Variants in PLA2G4D observed in about 807,000 individuals in gnomAD.
PLA2G4D encodes the protein phospholipase A2 group IVD, also known as cytosolic phospholipase A2 delta.
In PLA2G4D, 80 loss-of-function variants were observed where a neutral mutation model predicts 94.4. That is an observed-to-expected ratio of 0.85 (90% CI 0.71 to 1.02). The LOEUF is 1.02. Among genes scored for constraint, PLA2G4D ranks in the 50% least tolerant of loss-of-function variants. The pLI, the probability that PLA2G4D is intolerant of heterozygous loss-of-function variation, is 0.00. For synonymous variants in PLA2G4D, 438 were observed against 440.9 expected (o/e 0.99, Z 0.08); for missense variants, 1,050 against 1,034.7 (o/e 1.01, Z -0.20).
In PLA2G4D at chr15:42,089,313, C is replaced by T. The variant is rs145382781; in HGVS notation, c.46-1613G>A. Among the ~76,000 whole-genome samples, 230 of 152,238 alleles carry T rather than the reference C, an allele frequency of 1.5e-3. 1 individual carries two copies. In the Middle Eastern group the frequency reaches 0.024, roughly 16 times the overall value. On this transcript the variant is annotated intron_variant, in intron 1 of 19. Coordinates refer to ENST00000290472, the MANE Select transcript of PLA2G4D (RefSeq NM_178034.4). Reference sequence around the variant, plus strand: ...GCTTGCTAGGGGCTGGCTCAGCACCCACGGGGACCTGAATCTCCACTCCCC... The same window carrying T: ...GCTTGCTAGGGGCTGGCTCAGCACCTACGGGGACCTGAATCTCCACTCCCC...
Position 42,087,775 on chromosome 15 carries a change from G to A in PLA2G4D, c.46-75C>T, listed in dbSNP as rs977456613. On this transcript the variant is annotated intron_variant, in intron 1 of 19. Transcript: ENST00000290472. ...GCCTGGAGCTGCAGCCCGGGCTGCCGACACCCCTCACCACTCTCCTGGTAC... is the reference window on the plus strand; with the variant it reads ...GCCTGGAGCTGCAGCCCGGGCTGCCAACACCCCTCACCACTCTCCTGGTAC... 87 of 1,468,086 alleles carry A rather than the reference G, an allele frequency of 5.9e-5. No individual in the cohort carries two copies. The Middle Eastern group carries it at 1.0e-3, about 18-fold the overall frequency. The allele number at this position is 1,468,086 out of a possible 1,614,324, so 90.9% of individuals were successfully genotyped here. A position where few individuals can be genotyped will look rare whatever the true frequency, so the allele number is the denominator to read the frequency against.
At chr15:42,088,087 G>A (rs1010747258) in intron 1 of PLA2G4D, among the ~76,000 whole-genome samples, 14 of 152,176 alleles carry the variant, frequency 9.2e-5, no homozygotes, top group Admixed American at 3.9e-4. Flanking sequence ...GCAAAACAAG[G>A]GTTACCTTTG....
chr15:42,084,055 G>C lies in PLA2G4D; in HGVS notation c.472-276C>G, dbSNP rs1323685445. On this transcript the variant is annotated intron_variant, in intron 6 of 19. Transcript: ENST00000290472. This position sits in a 1 kb window ranked among gnomAD's most constrained non-coding sequence, Gnocchi z 4.8. Reference sequence around the variant, plus strand: ...CTCCCGAAACCTCCTAGAGCGCCCAGCCCTCAGACACAGCTGTTTCTTCTC... The same window carrying C: ...CTCCCGAAACCTCCTAGAGCGCCCACCCCTCAGACACAGCTGTTTCTTCTC... 2 of 452,042 alleles carry C rather than the reference G, an allele frequency of 4.4e-6. No homozygotes were observed. Among genetic ancestry groups the C allele is most frequent in the East Asian group, 7.4e-5 (2 of 27,066 alleles). The allele number at this position is 452,042 out of a possible 1,614,324, so 28.0% of individuals were successfully genotyped here. A position where few individuals can be genotyped will look rare whatever the true frequency, so the allele number is the denominator to read the frequency against.
Position 42,082,324 on chromosome 15 carries a change from G to A in PLA2G4D, c.738C>T (p.Pro246=). Residue 246 remains proline (P), a synonymous_variant, in exon 9 of 20, where the codon CCC becomes CCT. Transcript: ENST00000290472. ...TAGTCACCTCCTTCCCAATGGTCAA[G>A]GGCCTCAGGGGCACAGTGAGGTACC... ...SAGYLTVPLR[P]LTIGKEVTMD... The A allele has an allele frequency of 6.2e-7, 1 of 1,614,128 alleles. No homozygotes were observed. Among genetic ancestry groups the A allele is most frequent in the Non-Finnish European group, 8.5e-7 (1 of 1,180,014 alleles).
At chr15:42,089,460 G>A (rs1442713014) in intron 1 of PLA2G4D, among the ~76,000 whole-genome samples, 3 of 152,200 alleles carry the variant, frequency 2.0e-5, no homozygotes, top group Non-Finnish European at 4.4e-5. Context: ...CTTCCCAGCA[G>A]AGCACATGTG....
rs1353891806 is a variant in PLA2G4D at position 42,067,413 on chromosome 15, T to A, written c.*1302A>T. On this transcript the variant is annotated 3_prime_UTR_variant, in exon 20 of 20. Coordinates refer to ENST00000290472, the MANE Select transcript of PLA2G4D (RefSeq NM_178034.4). ...TAATTTAGCCAAGTATGGTGTTACA[T>A]GCCTGTAGTCCCAGCTACTTGGGAG... 6.6e-6 allele frequency: 1 copy of A among 152,000 alleles called. No homozygotes were observed. The highest frequency in any genetic ancestry group is 2.4e-5 in the African/African-American group (1 of 41,348). 9.4% of individuals were successfully genotyped at this position (152,000 alleles called of 1,614,324 possible).
chr15:42,070,660 C>T (rs1334041449), intron 18 of PLA2G4D, 57 bp downstream of exon 18: 20 of 1,512,870 alleles, frequency 1.3e-5, no homozygotes, highest in Middle Eastern at 1.7e-4. Context: ...CCCTGCTGCT[C>T]GCCTCTGGAG....
rs145383446 is a variant in PLA2G4D, at chr15:42,090,793, C to A, written c.46-3093G>T. On this transcript the variant is annotated intron_variant, in intron 1 of 19. Transcript: ENST00000290472. Reference sequence around the variant, plus strand: ...AAAGGGGGAAGGGGTACAGCCTTCGCCAGGGAGATGAGTTGACAAGGTTCA... The same window carrying A: ...AAAGGGGGAAGGGGTACAGCCTTCGACAGGGAGATGAGTTGACAAGGTTCA... Among the ~76,000 whole-genome samples, 69 of 152,260 alleles carry A rather than the reference C, an allele frequency of 4.5e-4. 1 individual carries two copies. The East Asian group carries it at 0.011, about 25-fold the overall frequency.
Position 42,081,804 on chromosome 15 carries a change from C to T in PLA2G4D, c.814G>A (p.Glu272Lys), listed in dbSNP as rs200964230. ...GATGTGAATGTCCCTTACCAGCCCT[C>T]TGCCTTGAGCTGCAGCCTCACTCCT... Reference protein sequence around the residue: ...APGVRLQLKAEGCPEELAVHL... With the variant: ...APGVRLQLKAKGCPEELAVHL... The change falls in exon 10 of 20, where the codon GAG becomes AAG. Residue 272 changes from glutamate to lysine, a missense_variant. Transcript: ENST00000290472. 97 of 1,614,150 alleles carry T rather than the reference C, an allele frequency of 6.0e-5. No individual in the cohort carries two copies. The East Asian group carries it at 2.0e-3, about 34-fold the overall frequency.
At chr15:42,073,345 T>G (rs1254169102) in intron 13 of PLA2G4D, among the ~76,000 whole-genome samples, 1 of 152,114 alleles carries the variant, frequency 6.6e-6, no homozygotes, top group Non-Finnish European at 1.5e-5. Context: ...TGGGGGAGCC[T>G]CCACAGAGCC....
intron 1 of PLA2G4D, among the ~76,000 whole-genome samples, chr15:42,090,878 C>T (rs935833433): frequency 1.3e-5 from 2 of 151,992 alleles, no homozygotes. Flanking sequence ...AAAACACGTG[C>T]CCAGTAACAG....
intron 6 of PLA2G4D, 100 bp from the exon 7 acceptor site, chr15:42,083,879 C>G: frequency 8.4e-7 from 1 of 1,183,474 alleles, no homozygotes; most frequent in Non-Finnish European, 1.2e-6. Flanking sequence ...CCACCACACA[C>G]ACAAGGAGTT....
chr15:42,079,174 G>A (rs1242240556), intron 13 of PLA2G4D, among the ~76,000 whole-genome samples: 1 of 152,130 alleles, frequency 6.6e-6, no homozygotes, highest in Non-Finnish European at 1.5e-5. Flanking sequence ...AGGCAATCTG[G>A]TTACAGAGTT....
At chr15:42,088,964 G>A (rs1005617836) in intron 1 of PLA2G4D, among the ~76,000 whole-genome samples, 6 of 152,184 alleles carry the variant, frequency 3.9e-5, no homozygotes, top group African/African-American at 1.4e-4. Flanking sequence ...GAACAACCCA[G>A]AGACCACCTT....
At position 42,070,044 on chromosome 15, in the gene PLA2G4D, G is replaced by A. The variant is rs1257977796; in HGVS notation, c.2095C>T (p.Arg699Trp). 8 of 1,519,138 alleles carry A rather than the reference G, an allele frequency of 5.3e-6. 1 individual carries two copies. Among genetic ancestry groups the A allele is most frequent in the Admixed American group, 4.3e-5 (2 of 46,166 alleles). 94.1% of individuals were successfully genotyped at this position (1,519,138 alleles called of 1,614,324 possible). ...TGGTCCTGAGGGCTGGGTTCCACCC[G>A]GGGGAAGGGCAGCCCCCGGGCCCGG... The part of the protein sequence containing the change: ...YCRARGLPFP[R>W]VEPSPQDQHQ... The change falls in exon 19 of 20, where the codon CGG (arginine) becomes TGG (tryptophan). Residue 699 changes from arginine to tryptophan, a missense_variant. Physicochemically the swap from Arg to Trp is moderately radical, Grantham distance 101. Coordinates refer to ENST00000290472, the MANE Select transcript of PLA2G4D (RefSeq NM_178034.4).
chr15:42,094,199 G>T (rs1890297458), intron 1 of PLA2G4D, among the ~76,000 whole-genome samples: 1 of 152,144 alleles, frequency 6.6e-6, no homozygotes, highest in Non-Finnish European at 1.5e-5. Context: ...TGGTGGTGGG[G>T]AGAGGAAGCT....
At chr15:42,086,423 T>C (rs1890150399) in intron 3 of PLA2G4D, 79 bp from the exon 4 acceptor site, 2 of 1,466,784 alleles carry the variant, frequency 1.4e-6, no homozygotes, top group East Asian at 4.5e-5. Context: ...CCTTACTTGA[T>C]GTCTAGAGTC....
intron 7 of PLA2G4D, among the ~76,000 whole-genome samples, 179 bp from the exon 8 acceptor site, chr15:42,083,513 T>A (rs1276718981): frequency 1.3e-5 from 2 of 152,164 alleles, no homozygotes; most frequent in Non-Finnish European, 2.9e-5. Flanking sequence ...CATCCCGGAC[T>A]CCTGCCTTCT....
At position 42,082,299 on chromosome 15, in the gene PLA2G4D, T is replaced by C; in HGVS notation, c.763A>G (p.Met255Val). ...CTTACATTTGGAGCAGGAACATCCA[T>C]AGTCACCTCCTTCCCAATGGTCAAG... is the stretch of plus-strand genomic sequence containing the variant. ...RPLTIGKEVT[M>V]DVPAPNAPGV... The change falls in exon 9 of 20, where the codon ATG (methionine) becomes GTG (valine). Residue 255 changes from methionine (M) to valine (V), a missense_variant. Met to Val is a conservative substitution (Grantham distance 21). Coordinates refer to ENST00000290472, the MANE Select transcript of PLA2G4D (RefSeq NM_178034.4). 6.2e-7 allele frequency: 1 copy of C among 1,614,012 alleles called. No homozygotes were observed. The highest frequency in any genetic ancestry group is 8.5e-7 in the Non-Finnish European group (1 of 1,179,928).
Sources: gnomAD v4.1 joint callset for allele counts (sites outside exome capture counted in the v4.1 genomes callset) on GRCh38, gnomAD v4.1.1 for gene constraint, Gnocchi (gnomAD v3.1) non-coding constraint, MANE v1.5 for transcripts, NCBI Gene and HGNC (gene_info 2026-07-23, HGNC 2026-07-21) for gene names.